Variants in USP13 observed in about 807,000 individuals in gnomAD.
USP13 encodes ubiquitin carboxyl-terminal hydrolase 13.
In USP13, 68 loss-of-function variants were observed where a neutral mutation model predicts 107.8. That is an observed-to-expected ratio of 0.63 (90% CI 0.52 to 0.77). The LOEUF (loss-of-function observed/expected upper bound fraction) is 0.77, where lower values mean the gene tolerates loss of function less well. Ranked by LOEUF, USP13 falls within the 30% of genes least tolerant of loss-of-function variation. The pLI, the probability that USP13 is intolerant of heterozygous loss-of-function variation, is 0.00. For synonymous variants in USP13, 377 were observed against 389.5 expected (o/e 0.97, Z 0.38); for missense variants, 945 against 1,093.3 (o/e 0.86, Z 1.91).
intron 8 of USP13, among the ~76,000 whole-genome samples, chr3:179,727,030 TAAC>T (rs149722568): frequency 0.043 from 6,507 of 152,046 alleles, 181 homozygotes; most frequent in Non-Finnish European, 0.063. Flanking sequence ...AGGATAATGA[TAAC>T]AACAATCTCT....
rs1715974592 is a variant in USP13 at position 179,788,617 on chromosome 3, A to C, written c.*4476A>C. On this transcript the variant is annotated 3_prime_UTR_variant, in exon 21 of 21. Transcript: ENST00000263966. ...TTTGGATGTACTAAGTAAAATATTAACAATTTAATATATTTATATAATTGA... is the reference window on the plus strand; with the variant it reads ...TTTGGATGTACTAAGTAAAATATTACCAATTTAATATATTTATATAATTGA... 6.6e-6 allele frequency: 1 copy of C among 152,226 alleles called. No homozygotes were observed. The highest frequency in any genetic ancestry group is 1.5e-5 in the Non-Finnish European group (1 of 68,044). The allele number at this position is 152,226 out of a possible 1,614,324, so 9.4% of individuals were successfully genotyped here. A position where few individuals can be genotyped will look rare whatever the true frequency, so the allele number is the denominator to read the frequency against.
chr3:179,701,070 G>C lies in USP13; in HGVS notation c.418G>C (p.Val140Leu). The C allele has an allele frequency of 6.2e-7, 1 of 1,614,026 alleles. No homozygotes were observed. Among genetic ancestry groups the C allele is most frequent in the South Asian group, 1.1e-5 (1 of 91,084 alleles). The change falls in exon 4 of 21, where the codon GTT (valine) becomes CTT (leucine). Residue 140 changes from valine to leucine, a missense_variant. By Grantham distance (32) the Val-to-Leu change is conservative. Coordinates refer to ENST00000263966, the MANE Select transcript of USP13 (RefSeq NM_003940.3). ...TGAATATGAAGATGAAGCCAAACTT[G>C]TTATATTCCCAGATCACTATGAAAT... Reference protein sequence around the residue: ...DYEYEDEAKLVIFPDHYEIAL... With the variant: ...DYEYEDEAKLLIFPDHYEIAL...
chr3:179,750,326 G>GTGTATATATATATA (rs1553797370), intron 13 of USP13, among the ~76,000 whole-genome samples: 3,744 of 75,390 alleles, frequency 0.05, 80 homozygotes, highest in South Asian at 0.096. Flanking sequence ...ATATATGTGT[G>GTGTATATATATATA]TATATATATA....
intron 4 of USP13, among the ~76,000 whole-genome samples, chr3:179,703,526 A>G (rs903964385): frequency 1.3e-5 from 2 of 152,118 alleles, no homozygotes; most frequent in Non-Finnish European, 1.5e-5. Context: ...TTGAAATCCA[A>G]TGCCTTCATT....
intron 10 of USP13, among the ~76,000 whole-genome samples, chr3:179,731,851 C>T (rs926580999): frequency 6.6e-6 from 1 of 152,264 alleles, no homozygotes; most frequent in East Asian, 1.9e-4. Flanking sequence ...TGGGCAGGCT[C>T]GTTCAGTTCT....
chr3:179,776,701 A>G (rs963556835), intron 19 of USP13, among the ~76,000 whole-genome samples: 8 of 152,108 alleles, frequency 5.3e-5, no homozygotes, highest in Non-Finnish European at 8.8e-5. Flanking sequence ...TTTTCTGTTG[A>G]AAGTTTTTCT....
intron 8 of USP13, among the ~76,000 whole-genome samples, chr3:179,727,543 T>G (rs1366849603): frequency 1.7e-5 from 2 of 117,752 alleles, no homozygotes; most frequent in African/African-American, 6.0e-5. Flanking sequence ...CAGAACAAAA[T>G]GAAAAGTCTC....
intron 8 of USP13, among the ~76,000 whole-genome samples, chr3:179,722,155 C>G (rs1278153776): frequency 6.6e-6 from 1 of 152,086 alleles, no homozygotes; most frequent in Non-Finnish European, 1.5e-5. Flanking sequence ...GACCATCACC[C>G]TATGTACCAA....
chr3:179,761,464 C>G, intron 17 of USP13, among the ~76,000 whole-genome samples: 1 of 152,172 alleles, frequency 6.6e-6, no homozygotes, highest in South Asian at 2.1e-4. Flanking sequence ...GGGCTCATGC[C>G]TGTAATCCCA....
chr3:179,745,121 A>G lies in USP13; in HGVS notation c.1613A>G (p.Lys538Arg), dbSNP rs1194753316. 2 of 1,614,182 alleles carry G rather than the reference A, an allele frequency of 1.2e-6. No individual in the cohort carries two copies. The highest frequency in any genetic ancestry group is 2.2e-5 in the East Asian group (1 of 44,872). Residue 538 changes from lysine to arginine, a missense_variant, in exon 13 of 21, where the codon AAG becomes AGG. Coordinates refer to ENST00000263966, the MANE Select transcript of USP13 (RefSeq NM_003940.3). ...CCCCTTCCTGAGTTGGTACGTGCCA[A>G]GATACCATTTAGTGCCTGCCTTCAG... ...RRPLPELVRAKIPFSACLQAF... is the reference protein window; with the variant it reads ...RRPLPELVRARIPFSACLQAF...
chr3:179,654,767 T>G (rs1720202062), intron 1 of USP13, among the ~76,000 whole-genome samples: 1 of 152,190 alleles, frequency 6.6e-6, no homozygotes, highest in African/African-American at 2.4e-5. Flanking sequence ...ATTTCCAAAG[T>G]TTCCTTTATT....
chr3:179,762,816 CTGTT>C (rs560022880), intron 17 of USP13, among the ~76,000 whole-genome samples: 2 of 152,324 alleles, frequency 1.3e-5, no homozygotes, highest in South Asian at 4.1e-4. Context: ...AACGACCAAA[CTGTT>C]TTACACAGTG....
intron 1 of USP13, among the ~76,000 whole-genome samples, chr3:179,661,565 C>G (rs946959875): frequency 4.6e-5 from 7 of 150,850 alleles, no homozygotes; most frequent in Middle Eastern, 3.4e-3. Flanking sequence ...TTTTTTCTTC[C>G]TTTGGCTACC....
intron 5 of USP13, 145 bp from the exon 6 acceptor site, chr3:179,708,628 A>G (rs1402989864): frequency 1.3e-5 from 14 of 1,051,244 alleles, no homozygotes; most frequent in Non-Finnish European, 1.9e-5. Context: ...CAATGTCTTG[A>G]GGGGAGAAAA....
At chr3:179,760,857 A>T (rs1438086019) in intron 16 of USP13, among the ~76,000 whole-genome samples, 1 of 152,240 alleles carries the variant, frequency 6.6e-6, no homozygotes, top group African/African-American at 2.4e-5. Context: ...ATATGAAATT[A>T]GAGAATCGTT....
intron 1 of USP13, among the ~76,000 whole-genome samples, chr3:179,673,789 T>C (rs1720813714): frequency 6.6e-6 from 1 of 152,234 alleles, no homozygotes; most frequent in Admixed American, 6.5e-5. Context: ...ACTCTTAGAC[T>C]TGGGCCGAGT....
In USP13 at chr3:179,721,083, A is replaced by G. The variant is rs563421317; in HGVS notation, c.901-319A>G. Among the ~76,000 whole-genome samples, 1 of 152,284 alleles carries G rather than the reference A, an allele frequency of 6.6e-6. No individual in the cohort carries two copies. Among genetic ancestry groups the G allele is most frequent in the South Asian group, 2.1e-4 (1 of 4,832 alleles). ...CTCAGCCTCCCAAAGTGTTGGGATT[A>G]CAGGTGTGAACCGCTGCGCCCGGCC... On this transcript the variant is annotated intron_variant, in intron 7 of 20. Transcript: ENST00000263966. This position sits in a 1 kb window ranked among gnomAD's most constrained non-coding sequence, Gnocchi z 4.3.
At chr3:179,754,297 A>G (rs1050512313) in intron 14 of USP13, among the ~76,000 whole-genome samples, 1 of 152,238 alleles carries the variant, frequency 6.6e-6, no homozygotes, top group African/African-American at 2.4e-5. Context: ...TAGGGTAGAA[A>G]CTGAAGATCA....
intron 3 of USP13, among the ~76,000 whole-genome samples, chr3:179,698,938 C>A (rs936616328): frequency 6.7e-6 from 1 of 149,648 alleles, no homozygotes; most frequent in Non-Finnish European, 1.5e-5. Flanking sequence ...GGTGCAATCT[C>A]GGCTCACTGC....
Sources: gnomAD v4.1 joint callset for allele counts (sites outside exome capture counted in the v4.1 genomes callset) on GRCh38, gnomAD v4.1.1 for gene constraint, Gnocchi (gnomAD v3.1) non-coding constraint, MANE v1.5 for transcripts, NCBI Gene and HGNC (gene_info 2026-07-23, HGNC 2026-07-21) for gene names.